The following MAB21L4 variants were observed in gnomAD, a reference collection of about 807,000 sequenced individuals.
MAB21L4 encodes the protein mab-21 like 4.
In MAB21L4, 25 loss-of-function variants were observed where a neutral mutation model predicts 32.4. The observed-to-expected ratio is 0.77, with a 90% CI of 0.56 to 1.08. The LOEUF (loss-of-function observed/expected upper bound fraction) is 1.08, where lower values mean the gene tolerates loss of function less well. Among genes scored for constraint, MAB21L4 ranks in the 50% least tolerant of loss-of-function variants. MAB21L4 has a pLI of 0.00. For missense variants in MAB21L4, 638 were observed against 611.0 expected, an observed-to-expected ratio of 1.04 and a Z score of -0.47; for synonymous variants, 280 against 276.8, an observed-to-expected ratio of 1.01 and a Z score of -0.11.
intron 1 of MAB21L4, among the ~76,000 whole-genome samples, chr2:240,893,106 G>A (rs938951990): frequency 2.6e-5 from 4 of 152,214 alleles, no homozygotes; most frequent in Non-Finnish European, 5.9e-5. Context: ...GGGTGCCCAG[G>A]TCACAGGGAG....
At position 240,890,231 on chromosome 2, in the gene MAB21L4, C is replaced by T. The variant is rs74954477; in HGVS notation, c.741-73G>A. 8,801 of 1,522,190 alleles carry T rather than the reference C, an allele frequency of 5.8e-3. 223 individuals are homozygous for T. The East Asian group carries it at 0.074, about 13-fold the overall frequency. 94.3% of individuals were successfully genotyped at this position (1,522,190 alleles called of 1,614,324 possible). A position where few individuals can be genotyped will look rare whatever the true frequency, so the allele number is the denominator to read the frequency against. On this transcript the variant is annotated intron_variant, in intron 2 of 4. Transcript: ENST00000388934. ...CCCAGCATGGGGAGCTTCTGAGCCC[C>T]GGAGGTTCGGGCCCTGGCCAGGGTC...
intron 3 of MAB21L4, 134 bp downstream of exon 3, chr2:240,889,871 T>C: frequency 9.0e-7 from 1 of 1,110,924 alleles, no homozygotes; most frequent in Non-Finnish European, 1.3e-6. Context: ...GGGCAGGCCC[T>C]CAGAATCCCC....
intron 2 of MAB21L4, among the ~76,000 whole-genome samples, chr2:240,890,620 G>A (rs2059136631): frequency 6.6e-6 from 1 of 152,208 alleles, no homozygotes; most frequent in Non-Finnish European, 1.5e-5. Context: ...CTTGCTGCGT[G>A]CATGCTGGAT....
chr2:240,891,612 T>C lies in MAB21L4; in HGVS notation c.666A>G (p.Gly222=). 6.2e-7 allele frequency: 1 copy of C among 1,609,844 alleles called. No homozygotes were observed. The highest frequency in any genetic ancestry group is 8.5e-7 in the Non-Finnish European group (1 of 1,179,954). ...PALEGVQQMP[G]FPEGSLRRIL... is the part of the protein sequence containing the mutation. ...TCCTTCTCAAGCTGCCCTCAGGGAA[T>C]CCGGGCATCTGCTGCACCCCCTCCA... The change falls in exon 2 of 5, where the codon GGA becomes GGG. Residue 222 remains glycine (G), a synonymous_variant. Transcript: ENST00000388934.
At chr2:240,892,964 A>G (rs1467085631) in intron 1 of MAB21L4, among the ~76,000 whole-genome samples, 1 of 152,066 alleles carries the variant, frequency 6.6e-6, no homozygotes, top group Non-Finnish European at 1.5e-5. Context: ...CCCCAAAAAC[A>G]AATTAATATC....
At chr2:240,892,052 TAC>T (rs1232807206) in intron 1 of MAB21L4, 165 of 1,461,772 alleles carry the variant, frequency 1.1e-4, no homozygotes, top group Non-Finnish European at 1.4e-4. Flanking sequence ...AGCAGCGTCC[TAC>T]ATGAGGTTTT....
At position 240,896,109 on chromosome 2, in the gene MAB21L4, G is replaced by T; in HGVS notation, c.-112C>A. On this transcript the variant is annotated 5_prime_UTR_variant, in exon 1 of 5. Transcript: ENST00000388934. Reference sequence around the variant, plus strand: ...GCCCAGGTGAGCAGCAGGTCTGCAGGTGGGGCCTCAGCTCCCACACAGCAG... The same window carrying T: ...GCCCAGGTGAGCAGCAGGTCTGCAGTTGGGGCCTCAGCTCCCACACAGCAG... The T allele has an allele frequency of 3.7e-6, 5 of 1,365,726 alleles. No individual in the cohort carries two copies. The highest frequency in any genetic ancestry group is 4.1e-5 in the South Asian group (2 of 49,004). 84.6% of individuals were successfully genotyped at this position (1,365,726 alleles called of 1,614,324 possible).
At chr2:240,889,457 C>T (rs2059125577) in intron 3 of MAB21L4, among the ~76,000 whole-genome samples, 1 of 152,202 alleles carries the variant, frequency 6.6e-6, no homozygotes, top group Non-Finnish European at 1.5e-5. Flanking sequence ...AGCACAGCCC[C>T]CACCTGCTTC....
intron 3 of MAB21L4, among the ~76,000 whole-genome samples, chr2:240,889,064 C>A (rs1218446950): frequency 6.6e-6 from 1 of 152,142 alleles, no homozygotes; most frequent in Non-Finnish European, 1.5e-5. Flanking sequence ...AGCCTGTGTG[C>A]TCATGACCCC....
intron 1 of MAB21L4, among the ~76,000 whole-genome samples, chr2:240,894,994 C>T (rs2059176649): frequency 6.6e-6 from 1 of 152,218 alleles, no homozygotes; most frequent in South Asian, 2.1e-4. Flanking sequence ...CACACACACA[C>T]CCCTCCCACC....
chr2:240,895,416 A>T, intron 1 of MAB21L4, 68 bp downstream of exon 1: 1 of 1,414,978 alleles, frequency 7.1e-7, no homozygotes. Context: ...ACACACTTGC[A>T]CACAGACACC....
At chr2:240,894,688 C>G (rs1407579513) in intron 1 of MAB21L4, among the ~76,000 whole-genome samples, 1 of 152,178 alleles carries the variant, frequency 6.6e-6, no homozygotes, top group Non-Finnish European at 1.5e-5. Context: ...GCCTGTAATC[C>G]CAGCTACTCA....
rs546193439 is a variant in MAB21L4, at chr2:240,890,202, G to A, written c.741-44C>T. ...CACTGGGTCAGCCCCCGCCGCTGTT[G>A]GCCCCCAGCATGGGGAGCTTCTGAG... On this transcript the variant is annotated intron_variant, in intron 2 of 4. Transcript: ENST00000388934. 60 of 1,564,836 alleles carry A rather than the reference G, an allele frequency of 3.8e-5. No homozygotes were observed. The African/African-American group carries it at 6.9e-4, about 18-fold the overall frequency.
chr2:240,894,777 G>A (rs1042648887), intron 1 of MAB21L4, among the ~76,000 whole-genome samples: 2 of 144,850 alleles, frequency 1.4e-5, no homozygotes, highest in African/African-American at 5.3e-5. Flanking sequence ...CAGCCTGGGT[G>A]ACAGAGTGAG....
chr2:240,888,691 G>A, intron 3 of MAB21L4, 43 bp from the exon 4 acceptor site: 3 of 1,310,552 alleles, frequency 2.3e-6, no homozygotes, highest in African/African-American at 1.9e-5. Flanking sequence ...GGCCCACCCG[G>A]CCCACCCTGT....
At chr2:240,893,076 T>G (rs1237039992) in intron 1 of MAB21L4, among the ~76,000 whole-genome samples, 1 of 152,040 alleles carries the variant, frequency 6.6e-6, no homozygotes, top group Non-Finnish European at 1.5e-5. Flanking sequence ...GCCCCTCCCC[T>G]CCCCAGTACT....
chr2:240,892,620 AC>A (rs1189628770), intron 1 of MAB21L4, among the ~76,000 whole-genome samples: 2 of 151,948 alleles, frequency 1.3e-5, no homozygotes, highest in East Asian at 4.0e-4. Flanking sequence ...GAGCTCAGCC[AC>A]CCCCGTTTCT....
intron 1 of MAB21L4, among the ~76,000 whole-genome samples, chr2:240,893,031 C>T (rs773002671): frequency 6.6e-6 from 1 of 152,218 alleles, no homozygotes; most frequent in Non-Finnish European, 1.5e-5. Flanking sequence ...ACACGGCCCC[C>T]GCCTGACACT....
At chr2:240,893,218 T>C (rs1030208017) in intron 1 of MAB21L4, among the ~76,000 whole-genome samples, 3 of 152,128 alleles carry the variant, frequency 2.0e-5, no homozygotes, top group African/African-American at 4.8e-5. Flanking sequence ...CTTCCCACCA[T>C]CCCACCGCCC....
Sources: gnomAD v4.1 joint callset for allele counts (sites outside exome capture counted in the v4.1 genomes callset) on GRCh38, gnomAD v4.1.1 for gene constraint, MANE v1.5 for transcripts, NCBI Gene and HGNC (gene_info 2026-07-23, HGNC 2026-07-21) for gene names.